The following CDH20 variants were observed in gnomAD, a reference collection of about 807,000 sequenced individuals.
CDH20 encodes cadherin 20.
In CDH20, 29 loss-of-function variants were observed where a neutral mutation model predicts 74.2. The observed-to-expected ratio is 0.39, with a 90% CI of 0.29 to 0.53. The LOEUF (loss-of-function observed/expected upper bound fraction) is 0.53, where lower values mean the gene tolerates loss of function less well. CDH20 is among the 20% of genes least tolerant of loss of function. The probability of loss-of-function intolerance (pLI) is 0.69; values close to 1 mark genes in which losing one functional copy is unlikely to be tolerated. For missense variants in CDH20, 988 were observed against 1,048.3 expected, an observed-to-expected ratio of 0.94 and a Z score of 0.79; for synonymous variants, 469 against 405.4, an observed-to-expected ratio of 1.16 and a Z score of -1.88.
chr18:61,410,907 T>C (rs1292603410), intron 1 of CDH20, among the ~76,000 whole-genome samples: 1 of 152,170 alleles, frequency 6.6e-6, no homozygotes, highest in African/African-American at 2.4e-5. Context: ...ATTAAAAATA[T>C]GTATAAGGCG....
chr18:61,453,442 T>G (rs1283994134), intron 1 of CDH20, among the ~76,000 whole-genome samples: 1 of 151,972 alleles, frequency 6.6e-6, no homozygotes, highest in Non-Finnish European at 1.5e-5. Flanking sequence ...CGTGCCCAGC[T>G]AATCTTTTGT....
At chr18:61,450,902 C>A (rs1234611732) in intron 1 of CDH20, among the ~76,000 whole-genome samples, 1 of 151,920 alleles carries the variant, frequency 6.6e-6, no homozygotes, top group Non-Finnish European at 1.5e-5. Context: ...ATTTTTTTGA[C>A]TTTTTTGTTA....
intron 1 of CDH20, among the ~76,000 whole-genome samples, chr18:61,423,159 T>C (rs1912946331): frequency 6.6e-6 from 1 of 152,168 alleles, no homozygotes; most frequent in Non-Finnish European, 1.5e-5. Flanking sequence ...TCACGTCAAG[T>C]GTGGACCAGT....
intron 11 of CDH20, 36 bp from the exon 12 acceptor site, chr18:61,554,151 TCTC>T (rs764939340): frequency 1.3e-6 from 2 of 1,578,476 alleles, no homozygotes; most frequent in South Asian, 2.4e-5. Context: ...CACAGCCACA[TCTC>T]CTCGGTAAAC....
At chr18:61,510,731 T>C (rs1049229912) in intron 6 of CDH20, among the ~76,000 whole-genome samples, 1 of 152,200 alleles carries the variant, frequency 6.6e-6, no homozygotes, top group African/African-American at 2.4e-5. Flanking sequence ...TTCTAAATCA[T>C]CAAATAAATC....
At position 61,528,483 on chromosome 18, in the gene CDH20, C is replaced by A. The variant is rs929012143; in HGVS notation, c.1271+263C>A. On this transcript the variant is annotated intron_variant, in intron 7 of 11. Coordinates refer to ENST00000262717, the MANE Select transcript of CDH20 (RefSeq NM_031891.4). ...CACACACACACACACACACACACAC[C>A]CCTTAGTTCTCAATCATGGTCCTGT... 9.4e-4 allele frequency among the ~76,000 whole-genome samples: 73 copies of A among 77,668 alleles called. 1 individual carries two copies. Among genetic ancestry groups the A allele is most frequent in the South Asian group, 4.0e-3 (8 of 1,998 alleles). The allele number at this position is 77,668 out of a possible 152,430, so 51.0% of individuals were successfully genotyped here. A position where few individuals can be genotyped will look rare whatever the true frequency, so the allele number is the denominator to read the frequency against.
chr18:61,458,402 G>T (rs1909652141), intron 1 of CDH20, among the ~76,000 whole-genome samples: 1 of 152,130 alleles, frequency 6.6e-6, no homozygotes. Context: ...GGGGAAAGCA[G>T]GGTCAGGAAA....
intron 1 of CDH20, among the ~76,000 whole-genome samples, chr18:61,428,472 CAG>C (rs1219239817): frequency 6.6e-6 from 1 of 152,164 alleles, no homozygotes; most frequent in African/African-American, 2.4e-5. Context: ...AGCGGTAGCA[CAG>C]CCACAGATGG....
chr18:61,367,094 GCCTTTTTACAAAA>G, intron 1 of CDH20, among the ~76,000 whole-genome samples: 1 of 152,102 alleles, frequency 6.6e-6, no homozygotes, highest in East Asian at 1.9e-4. Flanking sequence ...GGCTTCTCTA[GCCTTTTTACAAAA>G]GGTGCACACT....
intron 1 of CDH20, among the ~76,000 whole-genome samples, chr18:61,369,743 G>A (rs1485682565): frequency 6.6e-6 from 1 of 152,128 alleles, no homozygotes; most frequent in African/African-American, 2.4e-5. Context: ...AAAAAAGAAT[G>A]AGATCATTGT....
chr18:61,543,830 G>C, intron 9 of CDH20, among the ~76,000 whole-genome samples: 1 of 152,164 alleles, frequency 6.6e-6, no homozygotes, highest in East Asian at 1.9e-4. Flanking sequence ...TTAAATAGGG[G>C]CTTCTTAAAG....
intron 6 of CDH20, among the ~76,000 whole-genome samples, chr18:61,514,932 A>G (rs1228237524): frequency 6.6e-6 from 1 of 151,278 alleles, no homozygotes; most frequent in Non-Finnish European, 1.5e-5. Flanking sequence ...TTAAGTCTGC[A>G]GAGGTTACTG....
chr18:61,500,219 C>A (rs1911326397), intron 3 of CDH20, among the ~76,000 whole-genome samples, 164 bp from the exon 4 acceptor site: 1 of 148,592 alleles, frequency 6.7e-6, no homozygotes, highest in Non-Finnish European at 1.5e-5. Flanking sequence ...ACTCTTATCC[C>A]TACTAAACAG....
chr18:61,554,641 C>T lies in CDH20; in HGVS notation c.2352C>T (p.Phe784=), dbSNP rs1913566016. The T allele has an allele frequency of 6.2e-7, 1 of 1,600,892 alleles. No individual in the cohort carries two copies. The highest frequency in any genetic ancestry group is 1.3e-5 in the African/African-American group (1 of 74,796). The change falls in exon 12 of 12, where the codon TTC becomes TTT. Residue 784 remains phenylalanine, a synonymous_variant. Coordinates refer to ENST00000262717, the MANE Select transcript of CDH20 (RefSeq NM_031891.4). ...TCCTGACGGACTGGGGGCCCCGCTTCCGGAAGCTGGCCGAGCTCTACGGGG... is the reference window on the plus strand; with the variant it reads ...TCCTGACGGACTGGGGGCCCCGCTTTCGGAAGCTGGCCGAGCTCTACGGGG... ...FDFLTDWGPR[F]RKLAELYGAS...
At chr18:61,505,947 C>T (rs1291246455) in intron 5 of CDH20, among the ~76,000 whole-genome samples, 1 of 152,082 alleles carries the variant, frequency 6.6e-6, no homozygotes, top group East Asian at 1.9e-4. Flanking sequence ...ACTCTTATGC[C>T]TAATTAATCT....
At chr18:61,537,360 A>G (rs190161358) in intron 8 of CDH20, among the ~76,000 whole-genome samples, 1 of 152,318 alleles carries the variant, frequency 6.6e-6, no homozygotes. Context: ...TACAGATATC[A>G]ACAAAGATTT....
intron 7 of CDH20, among the ~76,000 whole-genome samples, chr18:61,534,638 A>G (rs769313038): frequency 2.0e-5 from 3 of 152,252 alleles, no homozygotes; most frequent in Non-Finnish European, 4.4e-5. Context: ...AAATTAGCCA[A>G]GCACAGAAAG....
chr18:61,392,540 A>G (rs1378952122), intron 1 of CDH20, among the ~76,000 whole-genome samples: 1 of 152,114 alleles, frequency 6.6e-6, no homozygotes, highest in Non-Finnish European at 1.5e-5. Flanking sequence ...ACAGCTTGGA[A>G]TTATGTATTT....
chr18:61,525,119 G>T (rs975701948), intron 6 of CDH20, among the ~76,000 whole-genome samples: 1 of 152,034 alleles, frequency 6.6e-6, no homozygotes, highest in African/African-American at 2.4e-5. Context: ...ACTACAAAGG[G>T]GCACAGAGAG....
Sources: allele counts gnomAD v4.1 joint callset (sites outside exome capture counted in the v4.1 genomes callset), GRCh38; gene constraint gnomAD v4.1.1; transcripts MANE v1.5; gene names NCBI Gene and HGNC (gene_info 2026-07-23, HGNC 2026-07-21).